The following MCTP2 variants were observed in gnomAD, a reference collection of about 807,000 sequenced individuals.
The protein encoded by MCTP2 is multiple C2 and transmembrane domain-containing protein 2.
MCTP2 carries 132 observed loss-of-function variants against 111.6 expected under a neutral mutation model. The observed-to-expected ratio is 1.18, with a 90% CI of 1.03 to 1.37. MCTP2 has a LOEUF of 1.37. Among genes scored for constraint, MCTP2 ranks in the 40% most tolerant of loss-of-function variants. The pLI is 0.00. For missense variants in MCTP2, 1,183 were observed against 1,067.9 expected (o/e 1.11, Z -1.50); for synonymous variants, 395 against 387.7 (o/e 1.02, Z -0.22).
At chr15:94,297,715 G>C (rs1051942128) in intron 1 of MCTP2, among the ~76,000 whole-genome samples, 1 of 152,156 alleles carries the variant, frequency 6.6e-6, no homozygotes, top group African/African-American at 2.4e-5. Context: ...CAGCAGAGTT[G>C]AGTAGTAGCG....
chr15:94,325,908 C>G (rs2076849915), intron 4 of MCTP2, among the ~76,000 whole-genome samples: 2 of 147,232 alleles, frequency 1.4e-5, no homozygotes, highest in Non-Finnish European at 1.5e-5. Flanking sequence ...CAACCTCTGC[C>G]TCTCTGGTTC....
chr15:94,404,742 G>T (rs557890791), intron 17 of MCTP2, among the ~76,000 whole-genome samples: 1 of 151,856 alleles, frequency 6.6e-6, no homozygotes, highest in Non-Finnish European at 1.5e-5. Context: ...GGCGGGGCGG[G>T]TTGCACACCT....
At chr15:94,281,936 T>A (rs1483646281) in intron 1 of MCTP2, among the ~76,000 whole-genome samples, 2 of 152,192 alleles carry the variant, frequency 1.3e-5, no homozygotes, top group Non-Finnish European at 2.9e-5. Context: ...TCCCTTTGTA[T>A]ATGACCTGCC....
intron 17 of MCTP2, among the ~76,000 whole-genome samples, chr15:94,432,146 C>A (rs114320593): frequency 0.017 from 2,648 of 152,216 alleles, 83 homozygotes; most frequent in African/African-American, 0.06. Context: ...GTTCTTGTTT[C>A]AGTTTTAACC....
intron 10 of MCTP2, among the ~76,000 whole-genome samples, chr15:94,365,476 T>C (rs910313280): frequency 5.3e-5 from 8 of 152,228 alleles, no homozygotes; most frequent in Non-Finnish European, 8.8e-5. Context: ...ATATTTACTT[T>C]GCATTTCATC....
At chr15:94,468,762 G>T (rs1284094732) in intron 20 of MCTP2, among the ~76,000 whole-genome samples, 1 of 152,072 alleles carries the variant, frequency 6.6e-6, no homozygotes, top group East Asian at 1.9e-4. Flanking sequence ...CCAAGTAGCT[G>T]AGATTACAGG....
intron 8 of MCTP2, among the ~76,000 whole-genome samples, chr15:94,352,582 T>A (rs1187296960): frequency 6.6e-6 from 1 of 152,246 alleles, no homozygotes; most frequent in Non-Finnish European, 1.5e-5. Context: ...AACTTTTCAC[T>A]ATCTCTTGGC....
At chr15:94,331,750 G>A (rs2077143068) in intron 4 of MCTP2, among the ~76,000 whole-genome samples, 1 of 152,182 alleles carries the variant, frequency 6.6e-6, no homozygotes, top group African/African-American at 2.4e-5. Context: ...GTCTGTCCAT[G>A]GGCAGACCTT....
chr15:94,429,881 T>C (rs1264747858), intron 17 of MCTP2, among the ~76,000 whole-genome samples: 2 of 152,212 alleles, frequency 1.3e-5, no homozygotes, highest in Non-Finnish European at 2.9e-5. Context: ...TCCTACAGAC[T>C]TTGTCTCAAT....
At chr15:94,356,904 G>A (rs2078655342) in intron 9 of MCTP2, among the ~76,000 whole-genome samples, 1 of 152,118 alleles carries the variant, frequency 6.6e-6, no homozygotes, top group South Asian at 2.1e-4. Context: ...GTAATTTGGT[G>A]TGGATTTTAT....
intron 12 of MCTP2, among the ~76,000 whole-genome samples, chr15:94,376,597 C>A (rs1199601310): frequency 6.6e-6 from 1 of 152,056 alleles, no homozygotes; most frequent in Non-Finnish European, 1.5e-5. Context: ...TTATTAAATG[C>A]ATTTTATTAG....
intron 19 of MCTP2, among the ~76,000 whole-genome samples, chr15:94,453,204 T>G (rs905515429): frequency 6.6e-6 from 1 of 152,224 alleles, no homozygotes; most frequent in African/African-American, 2.4e-5. Context: ...TCATTACTGG[T>G]AGCCCATGAG....
At chr15:94,434,378 T>A (rs1400478873) in intron 17 of MCTP2, among the ~76,000 whole-genome samples, 1 of 122,030 alleles carries the variant, frequency 8.2e-6, no homozygotes, top group Non-Finnish European at 1.8e-5. Flanking sequence ...ACTCCCAGCC[T>A]ATTTTTTTTT....
intron 1 of MCTP2, among the ~76,000 whole-genome samples, chr15:94,275,994 T>C (rs944235552): frequency 3.3e-4 from 50 of 152,012 alleles, no homozygotes; most frequent in Admixed American, 6.6e-4. Context: ...GACAGGCACT[T>C]GCCACCATGC....
At chr15:94,391,894 A>G (rs1280731743) in intron 14 of MCTP2, among the ~76,000 whole-genome samples, 1 of 152,164 alleles carries the variant, frequency 6.6e-6, no homozygotes, top group Non-Finnish European at 1.5e-5. Flanking sequence ...CAACTTTTCT[A>G]TTAAGTGGAA....
At chr15:94,320,301 C>A (rs2076571386) in intron 4 of MCTP2, among the ~76,000 whole-genome samples, 3 of 152,174 alleles carry the variant, frequency 2.0e-5, no homozygotes, top group Admixed American at 2.0e-4. Context: ...CGCCACCACG[C>A]CCAGCTAATT....
intron 21 of MCTP2, among the ~76,000 whole-genome samples, chr15:94,474,741 C>T (rs529773085): frequency 5.1e-4 from 78 of 152,260 alleles, no homozygotes; most frequent in African/African-American, 1.9e-3. Context: ...TGTTGACAGT[C>T]GGTCTCACAG....
At chr15:94,244,447 C>T (rs1473172703) in intron 1 of MCTP2, among the ~76,000 whole-genome samples, 1 of 147,318 alleles carries the variant, frequency 6.8e-6, no homozygotes, top group South Asian at 2.1e-4. Context: ...TGTTTATATA[C>T]GTATATGTAT....
At chr15:94,401,762 TCTTCTC>T in intron 16 of MCTP2, 132 bp from the exon 17 acceptor site, 1 of 543,952 alleles carries the variant, frequency 1.8e-6, no homozygotes, top group Non-Finnish European at 3.0e-6. Context: ...AAGTGTCAGG[TCTTCTC>T]CTTTCTATTA....
Sources: gnomAD v4.1 joint callset for allele counts (sites outside exome capture counted in the v4.1 genomes callset) on GRCh38, gnomAD v4.1.1 for gene constraint, MANE v1.5 for transcripts, NCBI Gene and HGNC (gene_info 2026-07-23, HGNC 2026-07-21) for gene names.